The following PEX5L variants were observed in gnomAD, a reference collection of about 807,000 sequenced individuals.
PEX5L encodes the protein peroxisomal biogenesis factor 5 like.
A neutral mutation model predicts 84.0 loss-of-function variants in PEX5L; 30 were observed. That is an observed-to-expected ratio of 0.36 (90% CI 0.27 to 0.48). The LOEUF (loss-of-function observed/expected upper bound fraction) is 0.48, where lower values mean the gene tolerates loss of function less well. Among genes scored for constraint, PEX5L ranks in the 20% least tolerant of loss-of-function variants. The probability of loss-of-function intolerance (pLI) is 0.99; values close to 1 mark genes in which losing one functional copy is unlikely to be tolerated. For synonymous variants in PEX5L, 270 were observed against 283.1 expected, an observed-to-expected ratio of 0.95 and a Z score of 0.46; for missense variants, 533 against 754.6, an observed-to-expected ratio of 0.71 and a Z score of 3.44.
chr3:179,962,762 A>C (rs7637321), intron 2 of PEX5L, among the ~76,000 whole-genome samples: 115,368 of 152,138 alleles, frequency 0.76, 44,090 homozygotes, highest in East Asian at 0.96. Context: ...TTCTCTACCA[A>C]ATGGCTGAGT....
At chr3:179,978,991 A>AACCTC (rs1181440965) in intron 1 of PEX5L, among the ~76,000 whole-genome samples, 5 of 152,292 alleles carry the variant, frequency 3.3e-5, no homozygotes, top group Admixed American at 1.3e-4. Flanking sequence ...AACAGCAAAC[A>AACCTC]ACCTCACTAT....
intron 3 of PEX5L, among the ~76,000 whole-genome samples, chr3:179,895,446 T>A (rs1359365589): frequency 1.3e-5 from 2 of 152,166 alleles, no homozygotes; most frequent in Non-Finnish European, 2.9e-5. Flanking sequence ...CATGCTTTTT[T>A]ACATACTATT....
At chr3:180,026,099 G>A (rs935150300) in intron 1 of PEX5L, among the ~76,000 whole-genome samples, 3 of 145,524 alleles carry the variant, frequency 2.1e-5, no homozygotes, top group Non-Finnish European at 4.5e-5. Flanking sequence ...ATTAAGCGAC[G>A]TATGATGAAT....
chr3:179,819,788 G>T, intron 9 of PEX5L, 72 bp downstream of exon 9: 3 of 1,276,738 alleles, frequency 2.3e-6, no homozygotes, highest in Non-Finnish European at 3.4e-6. Context: ...AATAGCTATT[G>T]ACTAATCTAT....
At chr3:179,975,732 A>T (rs1030459005) in intron 1 of PEX5L, among the ~76,000 whole-genome samples, 11 of 152,176 alleles carry the variant, frequency 7.2e-5, no homozygotes, top group Admixed American at 5.2e-4. Context: ...ACCTATCTTC[A>T]GCCTTTTCTC....
chr3:179,812,083 G>A (rs978941053), intron 10 of PEX5L, among the ~76,000 whole-genome samples: 3 of 152,004 alleles, frequency 2.0e-5, no homozygotes, highest in African/African-American at 4.8e-5. Context: ...TTCCAAATTC[G>A]TTCAGTATTT....
rs146799666 is a variant in PEX5L at position 179,947,091 on chromosome 3, T to G, written c.93+24503A>C. ...CACACATTAATGAGCACAGCAGACA[T>G]GGAAAATCTCTCACTGAGGTATTGT... On this transcript the variant is annotated intron_variant, in intron 2 of 14. Transcript: ENST00000467460. Among the ~76,000 whole-genome samples, 605 of 152,210 alleles carry G rather than the reference T, an allele frequency of 4.0e-3. 7 individuals carry two copies. Among genetic ancestry groups the G allele is most frequent in the African/African-American group, 0.014 (577 of 41,528 alleles).
intron 2 of PEX5L, chr3:179,900,854 T>C: frequency 1.5e-6 from 1 of 653,312 alleles, no homozygotes; most frequent in Non-Finnish European, 2.7e-6. Flanking sequence ...TGCGGTACAG[T>C]CTGAGGACAG....
chr3:179,868,321 A>G (rs993634489), intron 7 of PEX5L, among the ~76,000 whole-genome samples: 10 of 152,012 alleles, frequency 6.6e-5, no homozygotes, highest in African/African-American at 2.4e-4. Context: ...TCCCAAAGTT[A>G]TTGTAAGAAT....
chr3:179,920,153 C>T (rs934947876), intron 2 of PEX5L, among the ~76,000 whole-genome samples: 5 of 152,174 alleles, frequency 3.3e-5, no homozygotes, highest in Admixed American at 1.3e-4. Flanking sequence ...GAGGCAAAAC[C>T]AAGTGGAGTG....
chr3:179,807,653 T>C, intron 14 of PEX5L, 21 bp downstream of exon 14: 1 of 1,610,966 alleles, frequency 6.2e-7, no homozygotes, highest in Non-Finnish European at 8.5e-7. Context: ...CCTTCATCCT[T>C]GGCCTGTTGC....
At chr3:180,028,115 G>T (rs1791129964) in intron 1 of PEX5L, among the ~76,000 whole-genome samples, 1 of 152,098 alleles carries the variant, frequency 6.6e-6, no homozygotes, top group Non-Finnish European at 1.5e-5. Context: ...ACATTTTGAT[G>T]CTATGTAAAT....
chr3:180,031,032 G>A (rs1176455389), intron 1 of PEX5L, among the ~76,000 whole-genome samples: 4 of 151,416 alleles, frequency 2.6e-5, no homozygotes, highest in African/African-American at 9.7e-5. Context: ...CAATCCAAAA[G>A]TTTGATCCAT....
At chr3:179,966,586 A>G (rs919519836) in intron 2 of PEX5L, among the ~76,000 whole-genome samples, 1 of 152,124 alleles carries the variant, frequency 6.6e-6, no homozygotes, top group Non-Finnish European at 1.5e-5. Context: ...TAAGCTGGGT[A>G]TCTTCTCCGT....
chr3:179,898,405 A>C (rs1303437761), intron 2 of PEX5L, 159 bp from the exon 3 acceptor site: 15 of 460,268 alleles, frequency 3.3e-5, no homozygotes, highest in Non-Finnish European at 3.0e-5. Flanking sequence ...AAACACACAA[A>C]ATCTGAAAAA....
intron 5 of PEX5L, among the ~76,000 whole-genome samples, chr3:179,878,811 A>G (rs1753266659): frequency 2.0e-5 from 3 of 152,200 alleles, no homozygotes; most frequent in Admixed American, 6.5e-5. Context: ...ATTGCTACAT[A>G]TAGTTAATAT....
At chr3:179,809,318 T>C (rs1315740669) in intron 12 of PEX5L, among the ~76,000 whole-genome samples, 153 bp downstream of exon 12, 2 of 152,132 alleles carry the variant, frequency 1.3e-5, no homozygotes, top group Admixed American at 1.3e-4. Context: ...GCATTAATCT[T>C]TCTAACGAGT....
intron 2 of PEX5L, among the ~76,000 whole-genome samples, chr3:179,923,104 A>C (rs1271977520): frequency 6.6e-6 from 1 of 151,488 alleles, no homozygotes; most frequent in Non-Finnish European, 1.5e-5. Flanking sequence ...CCTGGCTAAC[A>C]CGGTGAAAAC....
At chr3:179,865,718 TG>T (rs1234622250) in intron 7 of PEX5L, among the ~76,000 whole-genome samples, 5 of 152,284 alleles carry the variant, frequency 3.3e-5, no homozygotes, top group African/African-American at 9.6e-5. Context: ...CTGGAATCAC[TG>T]GAAGGCCTTG....
Sources: gnomAD v4.1 joint callset for allele counts (sites outside exome capture counted in the v4.1 genomes callset) on GRCh38, gnomAD v4.1.1 for gene constraint, MANE v1.5 for transcripts, NCBI Gene and HGNC (gene_info 2026-07-23, HGNC 2026-07-21) for gene names.